Variants in DLGAP1 observed in about 807,000 individuals in gnomAD.
DLGAP1 encodes the protein DLG associated protein 1.
DLGAP1 carries 11 observed loss-of-function variants against 90.8 expected under a neutral mutation model. The ratio of observed to expected loss-of-function variants is 0.12; its 90% CI spans 0.08 to 0.20. DLGAP1 has a LOEUF of 0.20. Ranked by LOEUF, DLGAP1 falls within the 10% of genes least tolerant of loss-of-function variation. The pLI, the probability that DLGAP1 is intolerant of heterozygous loss-of-function variation, is 1.00. For missense variants in DLGAP1, 1,050 were observed against 1,333.8 expected (o/e 0.79, Z 3.31); for synonymous variants, 558 against 540.7 (o/e 1.03, Z -0.44).
chr18:3,928,873 G>T (rs959442766), intron 3 of DLGAP1, among the ~76,000 whole-genome samples: 1 of 152,112 alleles, frequency 6.6e-6, no homozygotes, highest in Non-Finnish European at 1.5e-5. Context: ...GATCTCGAGC[G>T]TTAGAGGTAG....
At chr18:4,117,916 TTAGTGGTG>T (rs1189903782) in intron 2 of DLGAP1, among the ~76,000 whole-genome samples, 1 of 152,104 alleles carries the variant, frequency 6.6e-6, no homozygotes, top group Admixed American at 6.5e-5. Context: ...CGTATGTGGT[TTAGTGGTG>T]TTTTCAAATC....
intron 1 of DLGAP1, among the ~76,000 whole-genome samples, chr18:4,161,860 T>C (rs1300807808): frequency 1.3e-5 from 2 of 152,152 alleles, no homozygotes; most frequent in Admixed American, 1.3e-4. Context: ...AATCATTTCA[T>C]ATATAAGAAA....
At chr18:4,369,816 A>T (rs980230690) in intron 1 of DLGAP1, among the ~76,000 whole-genome samples, 8 of 19,260 alleles carry the variant, frequency 4.2e-4, no homozygotes, top group African/African-American at 1.6e-3. Flanking sequence ...AAGTCTTAGT[A>T]AAAAAAAAAA....
At chr18:3,994,028 A>G (rs370228795) in intron 3 of DLGAP1, among the ~76,000 whole-genome samples, 1 of 152,164 alleles carries the variant, frequency 6.6e-6, no homozygotes, top group African/African-American at 2.4e-5. Flanking sequence ...TAAGGAGAGA[A>G]GAACCACAGA....
chr18:3,738,775 G>C (rs1386104561), intron 6 of DLGAP1, among the ~76,000 whole-genome samples: 1 of 143,622 alleles, frequency 7.0e-6, no homozygotes, highest in Non-Finnish European at 1.5e-5. Flanking sequence ...ATTGACAAAT[G>C]GGATCTAATT....
At position 3,879,444 on chromosome 18, in the gene DLGAP1, C is replaced by T; in HGVS notation, c.625G>A (p.Asp209Asn). ...GCGTGGTAGATGCACATGTCACCAT[C>T]CAGGTTGTCGTCCGAGCTCCACCAG... ...PGWWSSDDNL[D>N]GDMCIYHAPS... Residue 209 changes from aspartate to asparagine, a missense_variant, in exon 4 of 13, where the codon GAT becomes AAT. Transcript: ENST00000315677. The surrounding 1 kb of genome is among the most constrained non-coding windows in gnomAD (Gnocchi z 6.6). 6.2e-7 allele frequency: 1 copy of T among 1,608,396 alleles called. No individual in the cohort carries two copies. Among genetic ancestry groups the T allele is most frequent in the Non-Finnish European group, 8.5e-7 (1 of 1,179,952 alleles).
chr18:4,257,259 G>A (rs1248787857), intron 1 of DLGAP1, among the ~76,000 whole-genome samples: 2 of 152,174 alleles, frequency 1.3e-5, no homozygotes, highest in Middle Eastern at 3.2e-3. Context: ...TGGCATGTGG[G>A]ATGCCTAAAG....
At chr18:4,052,991 T>C (rs1017630440) in intron 2 of DLGAP1, among the ~76,000 whole-genome samples, 1 of 152,170 alleles carries the variant, frequency 6.6e-6, no homozygotes, top group African/African-American at 2.4e-5. Flanking sequence ...AGCCATTCAA[T>C]AAGTCTCTAG....
intron 2 of DLGAP1, among the ~76,000 whole-genome samples, chr18:4,121,036 A>G (rs2076146332): frequency 6.6e-6 from 1 of 152,188 alleles, no homozygotes; most frequent in Non-Finnish European, 1.5e-5. Context: ...AGTTCTGGTT[A>G]TGGTGGCTGT....
intron 1 of DLGAP1, among the ~76,000 whole-genome samples, chr18:4,349,510 G>A (rs568472526): frequency 1.3e-5 from 2 of 152,074 alleles, no homozygotes; most frequent in East Asian, 1.9e-4. Context: ...ATAGGAGAAC[G>A]GGGAGATGTT....
At chr18:3,533,371 G>A (rs114907038) in intron 10 of DLGAP1, among the ~76,000 whole-genome samples, 8,904 of 152,176 alleles carry the variant, frequency 0.059, 495 homozygotes, top group African/African-American at 0.14. Flanking sequence ...GTGTTTCTTT[G>A]GCAGCTAAAG....
chr18:4,413,548 CCA>C (rs1295421479), intron 1 of DLGAP1, among the ~76,000 whole-genome samples: 1 of 152,152 alleles, frequency 6.6e-6, no homozygotes, highest in Non-Finnish European at 1.5e-5. Flanking sequence ...CGAGGGCTCC[CCA>C]GTCAACTTCT....
At chr18:3,833,391 GC>G (rs960093953) in intron 4 of DLGAP1, among the ~76,000 whole-genome samples, 6 of 151,740 alleles carry the variant, frequency 4.0e-5, no homozygotes, top group Non-Finnish European at 7.4e-5. Context: ...ATGCCACCAC[GC>G]CCAGTTAATT....
At chr18:3,854,766 A>G (rs887592404) in intron 4 of DLGAP1, among the ~76,000 whole-genome samples, 3 of 152,296 alleles carry the variant, frequency 2.0e-5, no homozygotes, top group South Asian at 4.1e-4. Flanking sequence ...GTGTGAAAAA[A>G]TGGTCCTAGA....
intron 3 of DLGAP1, among the ~76,000 whole-genome samples, chr18:3,990,531 C>G (rs1280210182): frequency 1.3e-5 from 2 of 149,124 alleles, no homozygotes; most frequent in Non-Finnish European, 3.0e-5. Flanking sequence ...ATACCTAATG[C>G]TAAATGACGA....
rs185144090 is a variant in DLGAP1, at chr18:3,636,446, C to T, written c.1592-54198G>A. ...GTTTGTTTTTTGAGACGGAGTCTCGCTATCTTCTAGGCTGGAGTGCAGTGG... is the reference window on the plus strand; with the variant it reads ...GTTTGTTTTTTGAGACGGAGTCTCGTTATCTTCTAGGCTGGAGTGCAGTGG... On this transcript the variant is annotated intron_variant, in intron 7 of 12. Transcript: ENST00000315677. Among the ~76,000 whole-genome samples, 121 of 151,808 alleles carry T rather than the reference C, an allele frequency of 8.0e-4. 5 individuals carry two copies. Among genetic ancestry groups the T allele is most frequent in the African/African-American group, 2.9e-3 (119 of 41,380 alleles).
rs540372301 is a variant in DLGAP1, at chr18:3,580,573, G to A, written c.1965+1302C>T. The A allele has an allele frequency of 1.4e-4, 223 of 1,588,646 alleles. 1 individual carries two copies. The highest frequency in any genetic ancestry group is 2.4e-5 in the Non-Finnish European group (28 of 1,164,864). On this transcript the variant is annotated intron_variant, in intron 8 of 12. Transcript: ENST00000315677. Reference sequence around the variant, plus strand: ...TGGCAGAGCCAGAGGAGGGCTCCGGGGAGGAGGTGCCCATGGAGACTAGAG... The same window carrying A: ...TGGCAGAGCCAGAGGAGGGCTCCGGAGAGGAGGTGCCCATGGAGACTAGAG...
At chr18:4,344,450 G>A (rs2081265833) in intron 1 of DLGAP1, among the ~76,000 whole-genome samples, 1 of 152,134 alleles carries the variant, frequency 6.6e-6, no homozygotes, top group African/African-American at 2.4e-5. Flanking sequence ...TAATAGTAAT[G>A]TCATCTCAAC....
chr18:3,687,923 T>TTC (rs2060757492), intron 7 of DLGAP1, among the ~76,000 whole-genome samples: 1 of 151,644 alleles, frequency 6.6e-6, no homozygotes, highest in Non-Finnish European at 1.5e-5. Context: ...TTTTTTTTTT[T>TTC]TGAGACAGGG....
Sources: allele counts gnomAD v4.1 joint callset (sites outside exome capture counted in the v4.1 genomes callset), GRCh38; gene constraint gnomAD v4.1.1; non-coding constraint Gnocchi (gnomAD v3.1); transcripts MANE v1.5; gene names NCBI Gene and HGNC (gene_info 2026-07-23, HGNC 2026-07-21).